Variants in JAK2 observed in about 807,000 individuals in gnomAD.
JAK2 encodes the protein tyrosine-protein kinase JAK2.
In JAK2, 86 loss-of-function variants were observed where a neutral mutation model predicts 139.3. The observed-to-expected ratio is 0.62, with a 90% CI of 0.52 to 0.74. The LOEUF (loss-of-function observed/expected upper bound fraction) is 0.74, where lower values mean the gene tolerates loss of function less well. Ranked by LOEUF, JAK2 falls within the 30% of genes least tolerant of loss-of-function variation. The probability of loss-of-function intolerance (pLI) is 0.00; values close to 1 mark genes in which losing one functional copy is unlikely to be tolerated. For synonymous variants in JAK2, 490 were observed against 437.7 expected (o/e 1.12, Z -1.49); for missense variants, 1,421 against 1,360.3 (o/e 1.04, Z -0.70).
chr9:4,996,475 A>T (rs985214959), intron 2 of JAK2, among the ~76,000 whole-genome samples: 1 of 152,052 alleles, frequency 6.6e-6, no homozygotes, highest in South Asian at 2.1e-4. Context: ...AATAAATAAA[A>T]ATAAATACAT....
At chr9:5,017,571 G>T in intron 2 of JAK2, among the ~76,000 whole-genome samples, 1 of 152,006 alleles carries the variant, frequency 6.6e-6, no homozygotes. Flanking sequence ...GAGGTGTAAT[G>T]TAATGTTGTT....
At chr9:4,991,907 C>T (rs2129725224) in intron 2 of JAK2, among the ~76,000 whole-genome samples, 1 of 152,200 alleles carries the variant, frequency 6.6e-6, no homozygotes, top group East Asian at 1.9e-4. Context: ...TCAATTCTTC[C>T]CTCTACTGGA....
intron 12 of JAK2, among the ~76,000 whole-genome samples, chr9:5,071,759 G>A (rs1818962868): frequency 6.6e-6 from 1 of 152,168 alleles, no homozygotes; most frequent in Non-Finnish European, 1.5e-5. Context: ...GCATCTTCAT[G>A]TGAGTAACAG....
intron 22 of JAK2, chr9:5,111,167 G>A: frequency 1.3e-6 from 1 of 754,940 alleles, no homozygotes; most frequent in East Asian, 3.3e-5. Flanking sequence ...GAGTCGCACG[G>A]CAGCCACTCT....
chr9:5,067,107 G>A (rs1818623414), intron 10 of JAK2, among the ~76,000 whole-genome samples: 1 of 152,052 alleles, frequency 6.6e-6, no homozygotes, highest in Non-Finnish European at 1.5e-5. Flanking sequence ...TGCAAAACTG[G>A]AAATCTTTGC....
chr9:5,046,210 ATCT>A (rs1182268639), intron 5 of JAK2, among the ~76,000 whole-genome samples: 1 of 152,108 alleles, frequency 6.6e-6, no homozygotes, highest in Non-Finnish European at 1.5e-5. Context: ...CTATTTGTTT[ATCT>A]TCTTTGCAGA....
intron 2 of JAK2, among the ~76,000 whole-genome samples, chr9:4,990,016 A>C (rs1057177516): frequency 2.0e-5 from 3 of 152,352 alleles, no homozygotes; most frequent in African/African-American, 7.2e-5. Flanking sequence ...TCTCATATGA[A>C]TTGGAAAGAG....
intron 19 of JAK2, 145 bp downstream of exon 19, chr9:5,082,006 T>C (rs1819736729): frequency 7.3e-6 from 5 of 684,176 alleles, no homozygotes; most frequent in Non-Finnish European, 1.2e-5. Flanking sequence ...GGAGAAATGC[T>C]GTGTTAAATA....
intron 4 of JAK2, among the ~76,000 whole-genome samples, chr9:5,044,160 G>C (rs925887472): frequency 1.3e-5 from 2 of 151,846 alleles, no homozygotes; most frequent in African/African-American, 4.8e-5. Flanking sequence ...TCCTACTATT[G>C]CTTCTACATT....
At chr9:5,103,050 A>G (rs941713885) in intron 22 of JAK2, among the ~76,000 whole-genome samples, 2 of 151,888 alleles carry the variant, frequency 1.3e-5, no homozygotes, top group African/African-American at 2.4e-5. Flanking sequence ...AACAATATTA[A>G]CCTTAAATGT....
upstream of JAK2, chr9:4,984,813 ACC>A (rs1819846248): frequency 6.6e-6 from 1 of 151,744 alleles, no homozygotes; most frequent in Non-Finnish European, 1.5e-5. Context: ...CCACACACAC[ACC>A]CGCCCATCTA....
chr9:5,114,629 T>C, intron 22 of JAK2: 3 of 482,556 alleles, frequency 6.2e-6, no homozygotes, highest in South Asian at 4.7e-5. Flanking sequence ...TCCCGGACAC[T>C]TGGCACAGCA....
intron 22 of JAK2, among the ~76,000 whole-genome samples, chr9:5,105,054 G>T (rs534731079): frequency 6.6e-6 from 1 of 152,276 alleles, no homozygotes; most frequent in East Asian, 1.9e-4. Context: ...AGAAGTTCTG[G>T]CCAGGGCAAT....
intron 22 of JAK2, among the ~76,000 whole-genome samples, chr9:5,113,107 G>A (rs567683747): frequency 6.0e-5 from 9 of 149,722 alleles, no homozygotes; most frequent in Middle Eastern, 3.5e-3. Context: ...CCCTGCCCCC[G>A]TATCTCAGCC....
At chr9:5,041,129 C>G (rs1474849254) in intron 4 of JAK2, 1 of 954,434 alleles carries the variant, frequency 1.0e-6, no homozygotes, top group African/African-American at 1.6e-5. Flanking sequence ...GACGGTGCTC[C>G]TGATCGCCAT....
chr9:5,039,198 G>C (rs539679340), intron 4 of JAK2, among the ~76,000 whole-genome samples: 36 of 152,188 alleles, frequency 2.4e-4, no homozygotes, highest in African/African-American at 8.7e-4. Flanking sequence ...ATTTATATTG[G>C]AAAATAAGAA....
rs139964957 is a variant in JAK2 at position 5,128,080 on chromosome 9, TTGTGTGTGTGTGTGTG to T, written c.*1315_*1330del. On this transcript the variant is annotated 3_prime_UTR_variant, in exon 25 of 25. Transcript: ENST00000381652. ...TAGCTAAAATAAAATATGGTGGGTT[TTGTGTGTGTGTGTGTG>T]TGTGTGTGTGTGTGTGTGTGTGTGT... 1.2e-4 allele frequency: 27 copies of T among 224,800 alleles called. No homozygotes were observed. Among genetic ancestry groups the T allele is most frequent in the African/African-American group, 3.5e-4 (15 of 43,288 alleles). The allele number at this position is 224,800 out of a possible 1,614,324, so 13.9% of individuals were successfully genotyped here.
intron 4 of JAK2, chr9:5,041,259 T>G: frequency 7.1e-7 from 1 of 1,398,810 alleles, no homozygotes. Context: ...ATCCACATCA[T>G]CGACCTCGGG....
intron 22 of JAK2, chr9:5,113,964 G>C (rs1182226637): frequency 1.5e-5 from 4 of 272,112 alleles, no homozygotes; most frequent in Admixed American, 4.5e-5. Context: ...GGTACACCCA[G>C]GTGCCATCAG....
Sources: gnomAD v4.1 joint callset for allele counts (sites outside exome capture counted in the v4.1 genomes callset) on GRCh38, gnomAD v4.1.1 for gene constraint, MANE v1.5 for transcripts, NCBI Gene and HGNC (gene_info 2026-07-23, HGNC 2026-07-21) for gene names.